Variants in DKK3 observed in about 807,000 individuals in gnomAD.
The protein encoded by DKK3 is dickkopf Wnt signaling pathway inhibitor 3.
A neutral mutation model predicts 33.2 loss-of-function variants in DKK3; 22 were observed. The ratio of observed to expected loss-of-function variants is 0.66; its 90% CI spans 0.47 to 0.95. The LOEUF is 0.95. DKK3 is among the 40% of genes least tolerant of loss of function. The probability of loss-of-function intolerance (pLI) is 0.00; values close to 1 mark genes in which losing one functional copy is unlikely to be tolerated. For missense variants in DKK3, 398 were observed against 458.4 expected (o/e 0.87, Z 1.20); for synonymous variants, 194 against 188.8 (o/e 1.03, Z -0.23).
intron 3 of DKK3, among the ~76,000 whole-genome samples, chr11:11,977,549 G>A (rs139613571): frequency 2.0e-5 from 3 of 152,276 alleles, no homozygotes; most frequent in African/African-American, 7.2e-5. Flanking sequence ...CATCCCACCT[G>A]GGTTGGCAGC....
chr11:11,989,606 T>C (rs181376694), intron 3 of DKK3, among the ~76,000 whole-genome samples: 31 of 152,290 alleles, frequency 2.0e-4, no homozygotes, highest in Non-Finnish European at 3.8e-4. Context: ...CATTGTTTAA[T>C]GGGTATAGCA....
intron 1 of DKK3, among the ~76,000 whole-genome samples, chr11:12,004,411 G>A (rs911993662): frequency 6.6e-6 from 1 of 152,180 alleles, no homozygotes; most frequent in Non-Finnish European, 1.5e-5. Flanking sequence ...TTAGGTCTAG[G>A]AGATGGGAGC....
chr11:11,966,964 G>A lies in DKK3; in HGVS notation c.663C>T (p.Ala221=). ...QRDCQPGLCC[A]FQRGLLFPVC... is the part of the protein sequence containing the mutation. ...GGGGAGGCCACTCACCTCTCTGGAA[G>A]GCACAGCACAGCCCCGGCTGGCAGT... The change falls in exon 5 of 7, where the codon GCC becomes GCT. Residue 221 remains alanine, a synonymous_variant. Coordinates refer to ENST00000683431, the MANE Select transcript of DKK3 (RefSeq NM_001018057.2). The A allele has an allele frequency of 6.2e-7, 1 of 1,613,908 alleles. No homozygotes were observed. Among genetic ancestry groups the A allele is most frequent in the Non-Finnish European group, 8.5e-7 (1 of 1,179,900 alleles).
intron 3 of DKK3, among the ~76,000 whole-genome samples, chr11:11,981,964 G>A (rs1211381571): frequency 6.6e-6 from 1 of 152,166 alleles, no homozygotes. Context: ...TGTCCTTGTG[G>A]ATGTCCTGGT....
intron 3 of DKK3, among the ~76,000 whole-genome samples, chr11:11,991,195 A>G (rs557849843): frequency 1.3e-5 from 2 of 152,350 alleles, no homozygotes; most frequent in African/African-American, 4.8e-5. Flanking sequence ...TCTGCCAAGG[A>G]GGGAGAGCTA....
rs183261326 is a variant in DKK3 at position 11,998,007 on chromosome 11, G to C, written c.435+689C>G. ...CACTCCTCAGCAGGCGTGTGCATCCGAAGCCAGCACATCTTTGGGAAGATG... is the reference window on the plus strand; with the variant it reads ...CACTCCTCAGCAGGCGTGTGCATCCCAAGCCAGCACATCTTTGGGAAGATG... On this transcript the variant is annotated intron_variant, in intron 3 of 6. Coordinates refer to ENST00000683431, the MANE Select transcript of DKK3 (RefSeq NM_001018057.2). 4.4e-3 allele frequency among the ~76,000 whole-genome samples: 670 copies of C among 152,276 alleles called. 8 individuals carry two copies. Among genetic ancestry groups the C allele is most frequent in the African/African-American group, 0.016 (650 of 41,546 alleles).
intron 6 of DKK3, among the ~76,000 whole-genome samples, chr11:11,965,022 C>T (rs111305890): frequency 0.034 from 5,219 of 152,248 alleles, 287 homozygotes; most frequent in African/African-American, 0.12. Context: ...ATTCGGGCCT[C>T]CAGGCAGGAG....
At chr11:11,989,171 C>T (rs889904995) in intron 3 of DKK3, among the ~76,000 whole-genome samples, 1 of 152,144 alleles carries the variant, frequency 6.6e-6, no homozygotes, top group Non-Finnish European at 1.5e-5. Flanking sequence ...AATAGAATGA[C>T]CTTATGATCT....
intron 3 of DKK3, among the ~76,000 whole-genome samples, chr11:11,988,748 G>T (rs1848124822): frequency 6.6e-6 from 1 of 152,204 alleles, no homozygotes; most frequent in Non-Finnish European, 1.5e-5. Context: ...AATGGTCAAG[G>T]AAATCACATC....
intron 3 of DKK3, among the ~76,000 whole-genome samples, chr11:11,988,699 G>A (rs1036953756): frequency 2.6e-5 from 4 of 152,186 alleles, no homozygotes; most frequent in Non-Finnish European, 5.9e-5. Context: ...GTAAGGGTGG[G>A]GCTCATAAAG....
chr11:12,001,822 T>C (rs536663705), intron 2 of DKK3: 2 of 152,548 alleles, frequency 1.3e-5, no homozygotes, highest in Middle Eastern at 3.4e-3. Flanking sequence ...TTTAATTTTG[T>C]AGCAATAGAG....
intron 5 of DKK3, among the ~76,000 whole-genome samples, 188 bp downstream of exon 5, chr11:11,966,766 A>G (rs1036134336): frequency 5.9e-5 from 9 of 152,122 alleles, no homozygotes; most frequent in African/African-American, 2.2e-4. Flanking sequence ...AACAGGGGAA[A>G]AAAAAGAGGT....
chr11:12,008,196 C>T lies in DKK3; in HGVS notation c.213+174G>A, dbSNP rs1848577363. On this transcript the variant is annotated intron_variant, in intron 1 of 6. Transcript: ENST00000683431. This position sits in a 1 kb window ranked among gnomAD's most constrained non-coding sequence, Gnocchi z 4.6. ...TTTTTGGCAAGGAGGCAAAACGAGG[C>T]GGGAGTAGGGATCACCGTGCGCTGC... 6.6e-6 allele frequency among the ~76,000 whole-genome samples: 1 copy of T among 152,116 alleles called. No individual in the cohort carries two copies. The highest frequency in any genetic ancestry group is 2.1e-4 in the South Asian group (1 of 4,812).
At chr11:11,999,629 A>AAAACAAAC (rs56999763) in intron 2 of DKK3, among the ~76,000 whole-genome samples, 3 of 152,028 alleles carry the variant, frequency 2.0e-5, no homozygotes, top group East Asian at 3.9e-4. Context: ...CTCCATCTCA[A>AAAACAAAC]AAACAAACAA....
chr11:11,992,803 CT>C (rs1848213857), intron 3 of DKK3, among the ~76,000 whole-genome samples: 1 of 152,178 alleles, frequency 6.6e-6, no homozygotes, highest in African/African-American at 2.4e-5. Flanking sequence ...GCCTGCAGAA[CT>C]GTAAGCCAAA....
At chr11:11,990,880 T>C (rs1467754191) in intron 3 of DKK3, among the ~76,000 whole-genome samples, 1 of 152,206 alleles carries the variant, frequency 6.6e-6, no homozygotes, top group East Asian at 1.9e-4. Flanking sequence ...AGGGAGCCTG[T>C]CAAGAAGTGT....
intron 3 of DKK3, among the ~76,000 whole-genome samples, chr11:11,993,135 T>G (rs1848220255): frequency 6.6e-6 from 1 of 152,166 alleles, no homozygotes; most frequent in Non-Finnish European, 1.5e-5. Flanking sequence ...TGAAAGTATT[T>G]GCAAAACCAT....
Position 12,008,289 on chromosome 11 carries a change from A to G in DKK3, c.213+81T>C. On this transcript the variant is annotated intron_variant, in intron 1 of 6. Coordinates refer to ENST00000683431, the MANE Select transcript of DKK3 (RefSeq NM_001018057.2). This position sits in a 1 kb window ranked among gnomAD's most constrained non-coding sequence, Gnocchi z 4.6. ...TGCGCGGGACCCGAGGTCCCTGGCCAGCGCTCTTCCATGCCTTCCCAGACT... is the reference window on the plus strand; with the variant it reads ...TGCGCGGGACCCGAGGTCCCTGGCCGGCGCTCTTCCATGCCTTCCCAGACT... 1 of 1,485,442 alleles carries G rather than the reference A, an allele frequency of 6.7e-7. No individual in the cohort carries two copies. Among genetic ancestry groups the G allele is most frequent in the Non-Finnish European group, 8.9e-7 (1 of 1,118,346 alleles). The allele number at this position is 1,485,442 out of a possible 1,614,324, so 92.0% of individuals were successfully genotyped here.
At chr11:11,981,602 G>A (rs1029524024) in intron 3 of DKK3, among the ~76,000 whole-genome samples, 1 of 152,114 alleles carries the variant, frequency 6.6e-6, no homozygotes, top group African/African-American at 2.4e-5. Flanking sequence ...TATCACCAAT[G>A]CTTACGGGGC....
Sources: gnomAD v4.1 joint callset for allele counts (sites outside exome capture counted in the v4.1 genomes callset) on GRCh38, gnomAD v4.1.1 for gene constraint, Gnocchi (gnomAD v3.1) non-coding constraint, MANE v1.5 for transcripts, NCBI Gene and HGNC (gene_info 2026-07-23, HGNC 2026-07-21) for gene names.